The following RAD23A variants were observed in gnomAD, a reference collection of about 807,000 sequenced individuals.
RAD23A encodes the protein lysine-specific demethylase RAD23A.
RAD23A carries 16 observed loss-of-function variants against 44.8 expected under a neutral mutation model. That is an observed-to-expected ratio of 0.36 (90% CI 0.24 to 0.54). The LOEUF (loss-of-function observed/expected upper bound fraction) is 0.54, where lower values mean the gene tolerates loss of function less well. RAD23A is among the 20% of genes least tolerant of loss of function. The probability of loss-of-function intolerance (pLI) is 0.89; values close to 1 mark genes in which losing one functional copy is unlikely to be tolerated. For synonymous variants in RAD23A, 217 were observed against 202.9 expected, an observed-to-expected ratio of 1.07 and a Z score of -0.59; for missense variants, 380 against 483.3, an observed-to-expected ratio of 0.79 and a Z score of 2.00.
chr19:12,948,750 G>C lies in RAD23A; in HGVS notation c.537G>C (p.Arg179=). Residue 179 remains arginine (R), a synonymous_variant, in exon 5 of 9, where the codon CGG becomes CGC. Transcript: ENST00000586534. The surrounding 1 kb of genome is among the most constrained non-coding windows in gnomAD (Gnocchi z 5.5). The stretch of plus-strand genomic sequence containing the variant: ...TGTCCATGGGCTATGAGCGAGAGCG[G>C]GTCGTGGCCGCCCTGAGAGCCAGCT... ...EIMSMGYERE[R]VVAALRASYN... The C allele has an allele frequency of 6.2e-7, 1 of 1,613,682 alleles. No homozygotes were observed. Among genetic ancestry groups the C allele is most frequent in the East Asian group, 2.2e-5 (1 of 44,874 alleles).
At position 12,948,355 on chromosome 19, in the gene RAD23A, C is replaced by G; in HGVS notation, c.413C>G (p.Ser138Ter). ...CCCACGACGTCCCCAGAGTCTGTGT[C>G]AGGGTAAGGCGGGGGCAGCAGTCCC... is the stretch of plus-strand genomic sequence containing the variant. ...SAPTTSPESV[S>*]GSVPSSGSSG... Residue 138 changes from serine (S) to a stop codon, truncating the protein, a stop_gained, in exon 3 of 9, where the codon TCA becomes TGA. Transcript: ENST00000586534. LOFTEE classifies it high-confidence loss of function. This position sits in a 1 kb window ranked among gnomAD's most constrained non-coding sequence, Gnocchi z 5.5. The G allele has an allele frequency of 6.3e-7, 1 of 1,579,178 alleles. No individual in the cohort carries two copies. The highest frequency in any genetic ancestry group is 8.6e-7 in the Non-Finnish European group (1 of 1,161,194).
In RAD23A at chr19:12,949,282, G is replaced by T; in HGVS notation, c.687G>T (p.Glu229Asp). 1 of 1,614,112 alleles carries T rather than the reference G, an allele frequency of 6.2e-7. No individual in the cohort carries two copies. The highest frequency in any genetic ancestry group is 8.5e-7 in the Non-Finnish European group (1 of 1,179,962). Reference sequence around the variant, plus strand: ...ACCCCTTCCTACTACCAGCAGGAGAGAACCCCCTGGAGTTCCTGCGGGACC... The same window carrying T: ...ACCCCTTCCTACTACCAGCAGGAGATAACCCCCTGGAGTTCCTGCGGGACC... ...SEQPATEAAG[E>D]NPLEFLRDQP... is the part of the protein sequence containing the mutation. Residue 229 changes from glutamate (E) to aspartate (D), a missense_variant, in exon 7 of 9, where the codon GAG becomes GAT. This residue lies in a region of RAD23A where 279 missense variants were observed against 313.7 expected (regional missense o/e 0.89). Transcript: ENST00000586534.
chr19:12,946,849 C>G (rs1253225022), intron 1 of RAD23A, among the ~76,000 whole-genome samples: 3 of 152,158 alleles, frequency 2.0e-5, no homozygotes, highest in Non-Finnish European at 4.4e-5. Flanking sequence ...TTGATCCGCT[C>G]AAGTGTTTGG....
rs1321581310 is a variant in RAD23A, at chr19:12,948,600, C to G, written c.472+48C>G. The G allele has an allele frequency of 1.9e-6, 3 of 1,574,364 alleles. No homozygotes were observed. The highest frequency in any genetic ancestry group is 2.6e-6 in the Non-Finnish European group (3 of 1,159,736). On this transcript the variant is annotated intron_variant, in intron 4 of 8. Transcript: ENST00000586534. The surrounding 1 kb of genome is among the most constrained non-coding windows in gnomAD (Gnocchi z 5.5). ...AGAGGTGACTGGGTGCCCCAGCCAT[C>G]AGCTGGGCCTTGTCTGGGTGCGGGA... is the stretch of plus-strand genomic sequence containing the variant.
chr19:12,948,538 C>T lies in RAD23A; in HGVS notation c.458C>T (p.Ala153Val), dbSNP rs376900039. The change falls in exon 4 of 9, where the codon GCG becomes GTG. Residue 153 changes from alanine (A) to valine (V), a missense_variant. Physicochemically the swap from Ala to Val is moderately conservative, Grantham distance 64 (BLOSUM62 0). Transcript: ENST00000586534. The surrounding 1 kb of genome is among the most constrained non-coding windows in gnomAD (Gnocchi z 5.5). Reference protein sequence around the residue: ...SSGSSGREEDAASTLVTGSEY... With the variant: ...SSGSSGREEDVASTLVTGSEY... Reference sequence around the variant, plus strand: ...GGTAGCAGCGGGCGAGAGGAAGACGCGGCCTCCACGCTAGGTGGGTGGGTG... The same window carrying T: ...GGTAGCAGCGGGCGAGAGGAAGACGTGGCCTCCACGCTAGGTGGGTGGGTG... 7.8e-5 allele frequency: 124 copies of T among 1,594,242 alleles called. No individual in the cohort carries two copies. Among genetic ancestry groups the T allele is most frequent in the Non-Finnish European group, 1.0e-4 (121 of 1,169,702 alleles).
rs776313620 is a variant in RAD23A at position 12,948,463 on chromosome 19, G to A, written c.417-34G>A. ...CTGGAGGGAGGGCAAGCCGCCAGAA[G>A]CCAGGGTCCGATTTCTCTCTCTTGA... On this transcript the variant is annotated intron_variant, in intron 3 of 8. Coordinates refer to ENST00000586534, the MANE Select transcript of RAD23A (RefSeq NM_005053.4). This position sits in a 1 kb window ranked among gnomAD's most constrained non-coding sequence, Gnocchi z 5.5. 1.3e-6 allele frequency: 2 copies of A among 1,556,302 alleles called. No individual in the cohort carries two copies. Among genetic ancestry groups the A allele is most frequent in the African/African-American group, 1.4e-5 (1 of 72,896 alleles).
rs754368275 is a variant in RAD23A at position 12,947,995 on chromosome 19, G to A, written c.220G>A (p.Val74Ile). 22 of 1,613,448 alleles carry A rather than the reference G, an allele frequency of 1.4e-5. No individual in the cohort carries two copies. The highest frequency in any genetic ancestry group is 1.7e-4 in the Middle Eastern group (1 of 5,978). Residue 74 changes from valine to isoleucine, a missense_variant, in exon 2 of 9, where the codon GTC becomes ATC. This residue lies in a region of RAD23A where 70 missense variants were observed against 106.0 expected (regional missense o/e 0.66). Transcript: ENST00000586534. ...YRIDEKNFVV[V>I]MVTKTKAGQG... ...CATCGATGAGAAGAACTTTGTGGTC[G>A]TCATGGTGACCAAGGTGGGTGACGT...
Position 12,948,856 on chromosome 19 carries a change from AC to A in RAD23A, c.600+46del. On this transcript the variant is annotated intron_variant, in intron 5 of 8. Coordinates refer to ENST00000586534, the MANE Select transcript of RAD23A (RefSeq NM_005053.4). The surrounding 1 kb of genome is among the most constrained non-coding windows in gnomAD (Gnocchi z 5.5). ...CCTCCCGGGGAGGCCTTGAGGGAGT[AC>A]CCGGGCGTCACTGCCCTGATGGGCG... 3 of 1,569,066 alleles carry A rather than the reference AC, an allele frequency of 1.9e-6. No individual in the cohort carries two copies. Among genetic ancestry groups the A allele is most frequent in the Non-Finnish European group, 2.6e-6 (3 of 1,161,342 alleles).
chr19:12,948,303 G>A lies in RAD23A; in HGVS notation c.361G>A (p.Asp121Asn), dbSNP rs1474855136. 5.6e-6 allele frequency: 9 copies of A among 1,612,632 alleles called. No homozygotes were observed. The highest frequency in any genetic ancestry group is 4.4e-5 in the South Asian group (4 of 90,998). ...CCATCCCCCACCTGCCGCCAGAGAGGACAAGAGCCCATCAGAGGAATCCGC... is the reference window on the plus strand; with the variant it reads ...CCATCCCCCACCTGCCGCCAGAGAGAACAAGAGCCCATCAGAGGAATCCGC... ...MSHPPPAARE[D>N]KSPSEESAPT... is the part of the protein sequence containing the mutation. Residue 121 changes from aspartate (D) to asparagine (N), a missense_variant, in exon 3 of 9, where the codon GAC becomes AAC. Physicochemically the swap from Asp to Asn is conservative, Grantham distance 23. Transcript: ENST00000586534. This position sits in a 1 kb window ranked among gnomAD's most constrained non-coding sequence, Gnocchi z 5.5.
chr19:12,950,410 TC>T (rs1971777562), intron 7 of RAD23A, among the ~76,000 whole-genome samples: 1 of 151,782 alleles, frequency 6.6e-6, no homozygotes, highest in South Asian at 2.1e-4. Context: ...CACTTTCTTT[TC>T]TTTTTTTTTT....
chr19:12,949,934 G>A (rs1313015220), intron 7 of RAD23A, among the ~76,000 whole-genome samples: 2 of 151,756 alleles, frequency 1.3e-5, no homozygotes, highest in African/African-American at 2.4e-5. Context: ...AGTGCCTACC[G>A]GTCTTGGCTC....
rs769184784 is a variant in RAD23A at position 12,948,556 on chromosome 19, G to T, written c.472+4G>T. On this transcript the variant is annotated splice_donor_region_variant and intron_variant, in intron 4 of 8. Coordinates refer to ENST00000586534, the MANE Select transcript of RAD23A (RefSeq NM_005053.4). This position sits in a 1 kb window ranked among gnomAD's most constrained non-coding sequence, Gnocchi z 5.5. Reference sequence around the variant, plus strand: ...GAAGACGCGGCCTCCACGCTAGGTGGGTGGGTGGTCCCCAGGGCAGAGGTG... The same window carrying T: ...GAAGACGCGGCCTCCACGCTAGGTGTGTGGGTGGTCCCCAGGGCAGAGGTG... 8 of 1,592,472 alleles carry T rather than the reference G, an allele frequency of 5.0e-6. No individual in the cohort carries two copies. The Admixed American group carries it at 1.2e-4, about 25-fold the overall frequency.
intron 1 of RAD23A, 88 bp downstream of exon 1, chr19:12,946,108 G>C (rs1971665383): frequency 7.6e-7 from 1 of 1,313,084 alleles, no homozygotes. Flanking sequence ...AACGGGAGGG[G>C]CAGGGAGGAC....
Position 12,951,054 on chromosome 19 carries a change from A to T in RAD23A, c.814-1635A>T, listed in dbSNP as rs116270688. 3.1e-3 allele frequency among the ~76,000 whole-genome samples: 465 copies of T among 152,346 alleles called. 2 individuals are homozygous for T. Among genetic ancestry groups the T allele is most frequent in the African/African-American group, 0.011 (442 of 41,580 alleles). ...ACTCCAGCCTGGGTGACAGAGTGAGAGTGTCTCAAAAAGAACAGAAACAAA... is the reference window on the plus strand; with the variant it reads ...ACTCCAGCCTGGGTGACAGAGTGAGTGTGTCTCAAAAAGAACAGAAACAAA... On this transcript the variant is annotated intron_variant, in intron 7 of 8. Coordinates refer to ENST00000586534, the MANE Select transcript of RAD23A (RefSeq NM_005053.4).
In RAD23A at chr19:12,948,749, G is replaced by A. The variant is rs4987203; in HGVS notation, c.536G>A (p.Arg179Gln). The change falls in exon 5 of 9, where the codon CGG becomes CAG. Residue 179 changes from arginine (R) to glutamine (Q), a missense_variant. By Grantham distance (43) the Arg-to-Gln change is conservative (BLOSUM62 1). Around this residue, in one of 3 missense-constraint regions of RAD23A, gnomAD observed 279 missense variants for 313.7 expected, o/e 0.89. Transcript: ENST00000586534. The surrounding 1 kb of genome is among the most constrained non-coding windows in gnomAD (Gnocchi z 5.5). ...EIMSMGYERERVVAALRASYN... is the reference protein window; with the variant it reads ...EIMSMGYEREQVVAALRASYN... ...ATGTCCATGGGCTATGAGCGAGAGC[G>A]GGTCGTGGCCGCCCTGAGAGCCAGC... 8,121 of 1,613,662 alleles carry A rather than the reference G, an allele frequency of 5.0e-3. 39 individuals carry two copies. Among genetic ancestry groups the A allele is most frequent in the South Asian group, 6.7e-3 (613 of 91,076 alleles).
At position 12,950,681 on chromosome 19, in the gene RAD23A, A is replaced by G. The variant is rs537105292; in HGVS notation, c.813+1273A>G. 6.5e-4 allele frequency among the ~76,000 whole-genome samples: 99 copies of G among 152,318 alleles called. 1 individual carries two copies. Among genetic ancestry groups the G allele is most frequent in the South Asian group, 5.0e-3 (24 of 4,830 alleles). ...CTCCCAAAGTGCTGCAATTACAGGC[A>G]TGAGCCATCACACCTGGCTGACTGA... On this transcript the variant is annotated intron_variant, in intron 7 of 8. Coordinates refer to ENST00000586534, the MANE Select transcript of RAD23A (RefSeq NM_005053.4).
rs1971727985 is a variant in RAD23A, at chr19:12,948,660, C to T, written c.473-26C>T. On this transcript the variant is annotated intron_variant, in intron 4 of 8. Coordinates refer to ENST00000586534, the MANE Select transcript of RAD23A (RefSeq NM_005053.4). This position sits in a 1 kb window ranked among gnomAD's most constrained non-coding sequence, Gnocchi z 5.5. ...AGCTGCCCTTTCCTCTTCCTGGTGA[C>T]CTAGGCTTTGCTGCTTCCTCCACAG... is the stretch of plus-strand genomic sequence containing the variant. The T allele has an allele frequency of 6.2e-7, 1 of 1,604,480 alleles. No homozygotes were observed. The highest frequency in any genetic ancestry group is 1.3e-5 in the African/African-American group (1 of 74,728).
At chr19:12,950,906 A>T (rs538265610) in intron 7 of RAD23A, among the ~76,000 whole-genome samples, 22 of 152,158 alleles carry the variant, frequency 1.4e-4, no homozygotes, top group Non-Finnish European at 2.9e-4. Context: ...TCTACTATAA[A>T]TACAAAAAGT....
rs1237392203 is a variant in RAD23A at position 12,949,284 on chromosome 19, A to G, written c.689A>G (p.Asn230Ser). ...CCCTTCCTACTACCAGCAGGAGAGA[A>G]CCCCCTGGAGTTCCTGCGGGACCAG... ...EQPATEAAGE[N>S]PLEFLRDQPQ... The change falls in exon 7 of 9, where the codon AAC (asparagine) becomes AGC (serine). Residue 230 changes from asparagine (N) to serine (S), a missense_variant. By Grantham distance (46) the Asn-to-Ser change is conservative (BLOSUM62 1). This residue lies in a region of RAD23A where 279 missense variants were observed against 313.7 expected (regional missense o/e 0.89). Coordinates refer to ENST00000586534, the MANE Select transcript of RAD23A (RefSeq NM_005053.4). The G allele has an allele frequency of 6.2e-7, 1 of 1,613,952 alleles. No individual in the cohort carries two copies.
Sources: gnomAD v4.1 joint callset for allele counts (sites outside exome capture counted in the v4.1 genomes callset) on GRCh38, gnomAD v4.1.1 for gene constraint, gnomAD v4.1.1 regional missense constraint, Gnocchi (gnomAD v3.1) non-coding constraint, MANE v1.5 for transcripts, NCBI Gene and HGNC (gene_info 2026-07-23, HGNC 2026-07-21) for gene names.